PTPN2: variants seen among roughly 807,000 people sequenced by gnomAD.
PTPN2 encodes tyrosine-protein phosphatase non-receptor type 2.
A neutral mutation model predicts 57.3 loss-of-function variants in PTPN2; 19 were observed. The ratio of observed to expected loss-of-function variants is 0.33; its 90% CI spans 0.23 to 0.49. The LOEUF (loss-of-function observed/expected upper bound fraction) is 0.49, where lower values mean the gene tolerates loss of function less well. PTPN2 is among the 20% of genes least tolerant of loss of function. The probability of loss-of-function intolerance (pLI) is 0.99; values close to 1 mark genes in which losing one functional copy is unlikely to be tolerated. For missense variants in PTPN2, 358 were observed against 501.1 expected (o/e 0.71, Z 2.73); for synonymous variants, 153 against 164.9 (o/e 0.93, Z 0.55).
In PTPN2 at chr18:12,815,083, CAAAA is replaced by C. The variant is rs1424062787; in HGVS notation, c.706-732_706-729del. On this transcript the variant is annotated intron_variant, in intron 6 of 8. Transcript: ENST00000309660. ...TGGGCGACAGAGCGAGACTCCATCTCAAAAATAAATAAATAAATAAATAAATAAA... is the reference window on the plus strand; with the variant it reads ...TGGGCGACAGAGCGAGACTCCATCTCATAAATAAATAAATAAATAAATAAA... Among the ~76,000 whole-genome samples, 304 of 117,454 alleles carry C rather than the reference CAAAA, an allele frequency of 2.6e-3. 4 individuals carry two copies. Among genetic ancestry groups the C allele is most frequent in the African/African-American group, 9.3e-3 (291 of 31,448 alleles). The allele number at this position is 117,454 out of a possible 152,430, so 77.1% of individuals were successfully genotyped here.
At chr18:12,798,232 TA>T (rs537247786) in intron 8 of PTPN2, among the ~76,000 whole-genome samples, 3 of 152,164 alleles carry the variant, frequency 2.0e-5, no homozygotes, top group Non-Finnish European at 4.4e-5. Flanking sequence ...CATACATATA[TA>T]AAAACAGGTT....
At chr18:12,860,737 A>C (rs1406164678) in intron 1 of PTPN2, among the ~76,000 whole-genome samples, 2 of 152,192 alleles carry the variant, frequency 1.3e-5, no homozygotes, top group Non-Finnish European at 2.9e-5. Flanking sequence ...AACAACCAGC[A>C]GGCCTGAGGC....
chr18:12,814,696 T>A lies in PTPN2; in HGVS notation c.706-341A>T, dbSNP rs538793635. ...CTAGTATAAGGACTATTTTTTTTTT[T>A]AAAAGTCATGGCAGGAGTCAACCTT... is the stretch of plus-strand genomic sequence containing the variant. On this transcript the variant is annotated intron_variant, in intron 6 of 8. Coordinates refer to ENST00000309660, the MANE Select transcript of PTPN2 (RefSeq NM_002828.4). 4.1e-4 allele frequency among the ~76,000 whole-genome samples: 62 copies of A among 152,106 alleles called. No homozygotes were observed. The East Asian group carries it at 7.2e-3, about 18-fold the overall frequency.
At chr18:12,878,880 G>A (rs1306283554) in intron 1 of PTPN2, among the ~76,000 whole-genome samples, 1 of 152,122 alleles carries the variant, frequency 6.6e-6, no homozygotes, top group African/African-American at 2.4e-5. Flanking sequence ...AAATAAATAA[G>A]CCAAATTCCT....
At chr18:12,878,634 TG>T (rs1340747189) in intron 1 of PTPN2, among the ~76,000 whole-genome samples, 1 of 152,182 alleles carries the variant, frequency 6.6e-6, no homozygotes, top group African/African-American at 2.4e-5. Context: ...ATCACACTAC[TG>T]CACTCCAGCC....
chr18:12,838,778 T>G (rs1222458016), intron 2 of PTPN2, among the ~76,000 whole-genome samples: 1 of 152,158 alleles, frequency 6.6e-6, no homozygotes, highest in Non-Finnish European at 1.5e-5. Flanking sequence ...TGACTACAAA[T>G]GTTATTTGAG....
At chr18:12,840,708 G>A in intron 2 of PTPN2, 1 of 1,598,260 alleles carries the variant, frequency 6.3e-7, no homozygotes, top group Non-Finnish European at 8.5e-7. Flanking sequence ...CAATTTAAGA[G>A]ATTACCTATT....
chr18:12,819,126 G>T, intron 5 of PTPN2: 8 of 459,764 alleles, frequency 1.7e-5, no homozygotes, highest in Non-Finnish European at 2.8e-5. Flanking sequence ...TTTTGCAGTA[G>T]AAATTAAGAC....
At chr18:12,806,673 T>C (rs183475219) in intron 7 of PTPN2, among the ~76,000 whole-genome samples, 68 of 152,036 alleles carry the variant, frequency 4.5e-4, no homozygotes, top group Middle Eastern at 3.4e-3. Context: ...TTGACAAAGA[T>C]GCCAAGAATA....
intron 1 of PTPN2, chr18:12,880,596 G>C (rs543259822): frequency 6.6e-6 from 1 of 152,374 alleles, no homozygotes; most frequent in Non-Finnish European, 1.5e-5. Context: ...GGCCCTCTCA[G>C]GCTGGCCCTT....
chr18:12,796,869 C>T (rs1166260390), intron 8 of PTPN2, among the ~76,000 whole-genome samples: 1 of 152,154 alleles, frequency 6.6e-6, no homozygotes, highest in Non-Finnish European at 1.5e-5. Context: ...TTATAATTTA[C>T]TAATAATGTG....
At chr18:12,816,791 C>T (rs1598775393) in intron 6 of PTPN2, among the ~76,000 whole-genome samples, 2 of 152,050 alleles carry the variant, frequency 1.3e-5, no homozygotes, top group East Asian at 3.9e-4. Context: ...ATCATTATCC[C>T]TAGTTTTTAA....
intron 7 of PTPN2, among the ~76,000 whole-genome samples, chr18:12,810,779 C>A (rs1368144454): frequency 6.6e-6 from 1 of 152,060 alleles, no homozygotes; most frequent in South Asian, 2.1e-4. Context: ...AATAGACCTC[C>A]GGGAAAGAGG....
At chr18:12,789,568 G>A (rs564752470), downstream of PTPN2, among the ~76,000 whole-genome samples, 8 of 152,326 alleles carry the variant, frequency 5.3e-5, no homozygotes, top group East Asian at 1.9e-4. Context: ...TGCACTGTGC[G>A]TCCAGCACAG....
chr18:12,801,821 G>T, intron 8 of PTPN2, 149 bp downstream of exon 8: 1 of 754,758 alleles, frequency 1.3e-6, no homozygotes, highest in Non-Finnish European at 2.1e-6. Flanking sequence ...TTCCCTCCTT[G>T]GCCTCCCAAA....
intron 1 of PTPN2, among the ~76,000 whole-genome samples, chr18:12,866,985 G>C (rs1166972984): frequency 6.6e-6 from 1 of 151,434 alleles, no homozygotes; most frequent in Non-Finnish European, 1.5e-5. Flanking sequence ...TTCCAGCCTG[G>C]GTGACAGAGC....
intron 2 of PTPN2, among the ~76,000 whole-genome samples, chr18:12,845,613 C>T (rs1342067934): frequency 1.3e-5 from 2 of 152,184 alleles, no homozygotes; most frequent in African/African-American, 4.8e-5. Context: ...TTCTACATGT[C>T]ATCTGCTAAT....
At chr18:12,861,632 TAA>T (rs1462472499) in intron 1 of PTPN2, among the ~76,000 whole-genome samples, 1 of 152,242 alleles carries the variant, frequency 6.6e-6, no homozygotes, top group Non-Finnish European at 1.5e-5. Context: ...AGATACCTGA[TAA>T]GTTTTGTCGC....
rs764673535 is a variant in PTPN2, at chr18:12,884,175, G to T, written c.-34C>A. The T allele has an allele frequency of 3.4e-4, 522 of 1,550,044 alleles. No homozygotes were observed. The highest frequency in any genetic ancestry group is 4.4e-4 in the Non-Finnish European group (503 of 1,148,378). On this transcript the variant is annotated 5_prime_UTR_variant, in exon 1 of 9. Coordinates refer to ENST00000309660, the MANE Select transcript of PTPN2 (RefSeq NM_002828.4). The stretch of plus-strand genomic sequence containing the variant: ...GAGCGAGCTGGCGCGAGCAGAGCCT[G>T]CGCCGGCGGAGAGGCTCAGGCCCCG...
Sources: gnomAD v4.1 joint callset for allele counts (sites outside exome capture counted in the v4.1 genomes callset) on GRCh38, gnomAD v4.1.1 for gene constraint, MANE v1.5 for transcripts, NCBI Gene and HGNC (gene_info 2026-07-23, HGNC 2026-07-21) for gene names.